The following BRD10 variants were observed in gnomAD, a reference collection of about 807,000 sequenced individuals.
BRD10 encodes uncharacterized bromodomain-containing protein 10.
the BRD10 span, among the ~76,000 whole-genome samples, chr9:5,950,958 G>A: frequency 4.0e-4 from 60 of 150,188 alleles, no homozygotes; most frequent in Non-Finnish European, 3.4e-4. Context: ...TGTTTAGTAC[G>A]GACACATTTA....
At chr9:5,947,536 C>T in the BRD10 span, among the ~76,000 whole-genome samples, 16 of 151,982 alleles carry the variant, frequency 1.1e-4, no homozygotes, top group South Asian at 6.2e-4. Flanking sequence ...ATTAAAATGA[C>T]GTTAATAGCT....
the BRD10 span, chr9:5,921,536 C>G: frequency 6.8e-6 from 11 of 1,613,744 alleles, no homozygotes; most frequent in East Asian, 2.5e-4. Context: ...AATTGCAGTT[C>G]CATTGCCAGA....
the BRD10 span, among the ~76,000 whole-genome samples, chr9:5,981,103 C>G: frequency 6.6e-6 from 1 of 152,218 alleles, no homozygotes; most frequent in Non-Finnish European, 1.5e-5. Flanking sequence ...TAGATCCATT[C>G]TCCATCCTTC....
At chr9:5,999,446 G>C in the BRD10 span, among the ~76,000 whole-genome samples, 1 of 152,024 alleles carries the variant, frequency 6.6e-6, no homozygotes. Flanking sequence ...TCAAGAATAA[G>C]CAAAGCTGAA....
At chr9:5,889,300 C>T in the BRD10 span, among the ~76,000 whole-genome samples, 5 of 152,154 alleles carry the variant, frequency 3.3e-5, no homozygotes, top group Admixed American at 2.0e-4. Context: ...TCTCATCAAC[C>T]GACTACCACT....
At chr9:5,985,641 C>T in the BRD10 span, among the ~76,000 whole-genome samples, 8 of 152,092 alleles carry the variant, frequency 5.3e-5, no homozygotes, top group South Asian at 2.1e-4. Context: ...CAGAATTAGC[C>T]GGGTGTGGTG....
At chr9:5,929,939 C>T in the BRD10 span, among the ~76,000 whole-genome samples, 1 of 152,100 alleles carries the variant, frequency 6.6e-6, no homozygotes, top group African/African-American at 2.4e-5. Flanking sequence ...AACCACATCA[C>T]TACCTCTTAA....
At chr9:5,938,104 G>A in the BRD10 span, among the ~76,000 whole-genome samples, 1 of 152,174 alleles carries the variant, frequency 6.6e-6, no homozygotes, top group African/African-American at 2.4e-5. Context: ...GGTGACTTAT[G>A]AATAAACAGC....
At chr9:5,954,443 A>G in the BRD10 span, among the ~76,000 whole-genome samples, 1 of 152,192 alleles carries the variant, frequency 6.6e-6, no homozygotes, top group Non-Finnish European at 1.5e-5. Context: ...CTACATAGGG[A>G]AAAAAACCTT....
At chr9:5,980,761 G>C in the BRD10 span, among the ~76,000 whole-genome samples, 1 of 152,054 alleles carries the variant, frequency 6.6e-6, no homozygotes, top group Non-Finnish European at 1.5e-5. Flanking sequence ...TAAATTATCA[G>C]ATGTCCATCA....
chr9:5,951,035 TACACACACACAC>T, the BRD10 span, among the ~76,000 whole-genome samples: 5,842 of 141,722 alleles, frequency 0.041, 307 homozygotes, highest in South Asian at 0.13. Context: ...GGGCTGACTG[TACACACACACAC>T]ACACACACAC....
At chr9:5,958,256 G>T in the BRD10 span, among the ~76,000 whole-genome samples, 2 of 152,074 alleles carry the variant, frequency 1.3e-5, no homozygotes, top group African/African-American at 2.4e-5. Flanking sequence ...TATAACTAAA[G>T]ATATATTTTA....
chr9:5,910,017 C>T, the BRD10 span: 1 of 152,050 alleles, frequency 6.6e-6, no homozygotes, highest in Non-Finnish European at 1.5e-5. Context: ...ACTATAACAA[C>T]GAAGATAATG....
the BRD10 span, among the ~76,000 whole-genome samples, chr9:5,960,803 C>T: frequency 6.6e-6 from 1 of 152,022 alleles, no homozygotes; most frequent in African/African-American, 2.4e-5. Context: ...TTATTGAAAA[C>T]AACCAAAATG....
At chr9:5,901,338 T>C in the BRD10 span, among the ~76,000 whole-genome samples, 1 of 152,168 alleles carries the variant, frequency 6.6e-6, no homozygotes, top group Non-Finnish European at 1.5e-5. Context: ...ATGTTAACTG[T>C]TGATTTTTTG....
the BRD10 span, chr9:5,919,575 C>CACAG: frequency 1.1e-6 from 1 of 940,816 alleles, no homozygotes; most frequent in Non-Finnish European, 1.6e-6. Flanking sequence ...CACACACACA[C>CACAG]ACACACACAA....
the BRD10 span, chr9:5,953,961 T>C: frequency 2.1e-6 from 2 of 953,768 alleles, no homozygotes; most frequent in Admixed American, 2.1e-5. Context: ...CGAGGAATGA[T>C]ATGAACACTG....
chr9:5,922,328 G>A, the BRD10 span: 5 of 1,613,970 alleles, frequency 3.1e-6, no homozygotes, highest in East Asian at 1.1e-4. Flanking sequence ...TGAAGCACTG[G>A]GCAAGGAGAA....
At chr9:5,992,299 A>G in the BRD10 span, among the ~76,000 whole-genome samples, 3 of 152,228 alleles carry the variant, frequency 2.0e-5, no homozygotes, top group Admixed American at 2.0e-4. Flanking sequence ...TATTTGGAAG[A>G]ACACAAGCCA....
Sources: gnomAD v4.1 joint callset for allele counts (sites outside exome capture counted in the v4.1 genomes callset) on GRCh38, gnomAD v4.1.1 for gene constraint, MANE v1.5 for transcripts, NCBI Gene and HGNC (gene_info 2026-07-23, HGNC 2026-07-21) for gene names.